FBN2: variants seen among roughly 807,000 people sequenced by gnomAD.
FBN2 encodes the protein fibrillin-2.
FBN2 carries 105 observed loss-of-function variants against 355.6 expected under a neutral mutation model. The observed-to-expected ratio is 0.30, with a 90% confidence interval of 0.25 to 0.35. The LOEUF is 0.35. FBN2 is among the 10% of genes least tolerant of loss of function. The pLI is 1.00. For missense variants in FBN2, 3,280 were observed against 3,758.7 expected (o/e 0.87, Z 3.33); for synonymous variants, 1,350 against 1,301.2 (o/e 1.04, Z -0.81).
intron 55 of FBN2, among the ~76,000 whole-genome samples, chr5:128,286,236 T>C (rs971452964): frequency 6.6e-6 from 1 of 152,190 alleles, no homozygotes; most frequent in African/African-American, 2.4e-5. Flanking sequence ...CCAATTATAA[T>C]TTGTTGTATA....
chr5:128,393,217 G>A lies in FBN2; in HGVS notation c.1383C>T (p.Ile461=). 3.1e-6 allele frequency: 5 copies of A among 1,614,168 alleles called. No homozygotes were observed. The highest frequency in any genetic ancestry group is 4.2e-6 in the Non-Finnish European group (5 of 1,180,016). Residue 461 remains isoleucine, a synonymous_variant, in exon 10 of 65, where the codon ATC becomes ATT. Coordinates refer to ENST00000262464, the MANE Select transcript of FBN2 (RefSeq NM_001999.4). The part of the protein sequence containing the change: ...YGPGGTGFIP[I]PGGNGFSPGV... ...CAGGAGAAAAGCCATTGCCTCCAGGGATGGGGATGAAGCCTGTCCCTCCTG... is the reference window on the plus strand; with the variant it reads ...CAGGAGAAAAGCCATTGCCTCCAGGAATGGGGATGAAGCCTGTCCCTCCTG...
At chr5:128,479,092 C>G (rs1465193749) in intron 5 of FBN2, among the ~76,000 whole-genome samples, 2 of 152,168 alleles carry the variant, frequency 1.3e-5, no homozygotes, top group Non-Finnish European at 2.9e-5. Context: ...TCACTACTAC[C>G]ATAAGTACCT....
intron 4 of FBN2, among the ~76,000 whole-genome samples, chr5:128,519,690 C>T (rs1756378269): frequency 6.6e-6 from 1 of 151,674 alleles, no homozygotes; most frequent in Non-Finnish European, 1.5e-5. Flanking sequence ...ACTACTCAAC[C>T]CTCAATTTCT....
intron 20 of FBN2, among the ~76,000 whole-genome samples, chr5:128,355,389 TTCAACCAGAACACCATAG>T (rs1751474962): frequency 6.6e-6 from 1 of 152,212 alleles, no homozygotes; most frequent in Non-Finnish European, 1.5e-5. Flanking sequence ...TTTAACCATA[TTCAACCAGAACACCATAG>T]TCTTTTTAAG....
At chr5:128,272,954 T>A (rs1157494519) in intron 61 of FBN2, among the ~76,000 whole-genome samples, 1 of 152,126 alleles carries the variant, frequency 6.6e-6, no homozygotes, top group African/African-American at 2.4e-5. Context: ...AAAAACTGAA[T>A]TTTTCTTTGC....
At chr5:128,331,442 A>G (rs1400026449) in intron 32 of FBN2, among the ~76,000 whole-genome samples, 1 of 152,204 alleles carries the variant, frequency 6.6e-6, no homozygotes, top group Non-Finnish European at 1.5e-5. Context: ...GTGGCAAAGC[A>G]GAATGCACCA....
intron 4 of FBN2, among the ~76,000 whole-genome samples, chr5:128,521,800 A>AG (rs1469342820): frequency 6.6e-6 from 1 of 151,868 alleles, no homozygotes; most frequent in South Asian, 2.1e-4. Context: ...TTCCAAAACA[A>AG]AGTTTCCAAT....
intron 8 of FBN2, among the ~76,000 whole-genome samples, chr5:128,401,185 T>C (rs1358561139): frequency 1.3e-5 from 2 of 152,174 alleles, no homozygotes; most frequent in Non-Finnish European, 2.9e-5. Flanking sequence ...ATGTTGCAAG[T>C]ACTTATCAGG....
At chr5:128,492,466 C>T (rs1055103125) in intron 5 of FBN2, among the ~76,000 whole-genome samples, 1 of 152,114 alleles carries the variant, frequency 6.6e-6, no homozygotes, top group African/African-American at 2.4e-5. Context: ...ACATCAGAGA[C>T]CTTTTACAAC....
chr5:128,291,130 G>A (rs558431349), intron 49 of FBN2, among the ~76,000 whole-genome samples: 1 of 152,122 alleles, frequency 6.6e-6, no homozygotes, highest in South Asian at 2.1e-4. Context: ...CAGTATCAAA[G>A]TGATTTCCAC....
At chr5:128,440,525 C>A (rs961329777) in intron 7 of FBN2, among the ~76,000 whole-genome samples, 1 of 152,088 alleles carries the variant, frequency 6.6e-6, no homozygotes, top group Non-Finnish European at 1.5e-5. Flanking sequence ...CTCACTATCA[C>A]GAGAACAGCA....
chr5:128,401,191 T>C (rs926583880), intron 8 of FBN2, among the ~76,000 whole-genome samples: 3 of 152,162 alleles, frequency 2.0e-5, no homozygotes, highest in Non-Finnish European at 4.4e-5. Context: ...CAAGTACTTA[T>C]CAGGAATCCA....
intron 16 of FBN2, among the ~76,000 whole-genome samples, chr5:128,368,010 T>C (rs1751819551): frequency 1.3e-5 from 2 of 152,148 alleles, no homozygotes; most frequent in Admixed American, 6.5e-5. Context: ...GTATCCTCCA[T>C]ATGGAAAGTT....
At chr5:128,412,286 C>T (rs563742773) in intron 7 of FBN2, among the ~76,000 whole-genome samples, 7 of 152,356 alleles carry the variant, frequency 4.6e-5, no homozygotes, top group South Asian at 2.1e-4. Flanking sequence ...TTGACTTGAG[C>T]TGCCTTCCCT....
chr5:128,345,108 G>A (rs1277918015), intron 24 of FBN2, among the ~76,000 whole-genome samples: 1 of 152,172 alleles, frequency 6.6e-6, no homozygotes, highest in Non-Finnish European at 1.5e-5. Context: ...GTAGCTATCA[G>A]GGCGACATCT....
At chr5:128,508,337 T>C (rs1350639848) in intron 5 of FBN2, among the ~76,000 whole-genome samples, 1 of 152,016 alleles carries the variant, frequency 6.6e-6, no homozygotes, top group Non-Finnish European at 1.5e-5. Context: ...AATCATTTGT[T>C]CTTCTTACCT....
chr5:128,346,728 C>T (rs968940145), intron 23 of FBN2, among the ~76,000 whole-genome samples: 7 of 152,112 alleles, frequency 4.6e-5, no homozygotes, highest in African/African-American at 1.7e-4. Flanking sequence ...CACCTGAGGT[C>T]AGGAGTTCGA....
chr5:128,262,058 A>G, intron 63 of FBN2, 151 bp from the exon 64 acceptor site: 1 of 710,800 alleles, frequency 1.4e-6, no homozygotes, highest in South Asian at 1.6e-5. Flanking sequence ...CAACTCTTTT[A>G]TTTTTCTTTT....
At chr5:128,430,891 T>C (rs1753604676) in intron 7 of FBN2, among the ~76,000 whole-genome samples, 1 of 117,636 alleles carries the variant, frequency 8.5e-6, no homozygotes, top group Middle Eastern at 4.5e-3. Flanking sequence ...AATAAATAAA[T>C]AAATAACACA....
Sources: allele counts gnomAD v4.1 joint callset (sites outside exome capture counted in the v4.1 genomes callset), GRCh38; gene constraint gnomAD v4.1.1; transcripts MANE v1.5; gene names NCBI Gene and HGNC (gene_info 2026-07-23, HGNC 2026-07-21).